Variants in PKD1L1 observed in about 807,000 individuals in gnomAD.
PKD1L1 encodes polycystin-1-like protein 1.
PKD1L1 carries 236 observed loss-of-function variants against 323.4 expected under a neutral mutation model. The observed-to-expected ratio is 0.73, with a 90% CI of 0.66 to 0.81. The LOEUF is 0.81. PKD1L1 is among the 40% of genes least tolerant of loss of function. PKD1L1 has a pLI of 0.00. For synonymous variants in PKD1L1, 1,344 were observed against 1,335.0 expected (o/e 1.01, Z -0.15); for missense variants, 3,320 against 3,508.0 (o/e 0.95, Z 1.35).
chr7:47,802,776 T>A (rs551444060), intron 53 of PKD1L1, among the ~76,000 whole-genome samples: 3 of 152,340 alleles, frequency 2.0e-5, no homozygotes, highest in African/African-American at 7.2e-5. Flanking sequence ...TAGCCCTGGA[T>A]GAAGACTTGG....
In PKD1L1 at chr7:47,788,577, A is replaced by ATT. The variant is rs34984408; in HGVS notation, c.8526+4048_8526+4049dup. On this transcript the variant is annotated intron_variant, in intron 56 of 56. Transcript: ENST00000289672. The stretch of plus-strand genomic sequence containing the variant: ...CCAGCCCAGTTATATATATATATAT[A>ATT]TTTTTTTTTTTTAATTTTAATTTTA... Among the ~76,000 whole-genome samples, 649 of 138,060 alleles carry ATT rather than the reference A, an allele frequency of 4.7e-3. 2 individuals carry two copies. The highest frequency in any genetic ancestry group is 0.012 in the Middle Eastern group (3 of 260). The allele number at this position is 138,060 out of a possible 152,430, so 90.6% of individuals were successfully genotyped here. A position where few individuals can be genotyped will look rare whatever the true frequency, so the allele number is the denominator to read the frequency against.
intron 7 of PKD1L1, among the ~76,000 whole-genome samples, chr7:47,917,819 C>T (rs1787460272): frequency 6.6e-6 from 1 of 152,088 alleles, no homozygotes; most frequent in African/African-American, 2.4e-5. Context: ...CTAAAAGGAG[C>T]TCCAAATCTT....
intron 56 of PKD1L1, among the ~76,000 whole-genome samples, chr7:47,787,229 T>G (rs186865243): frequency 1.3e-3 from 205 of 152,264 alleles, no homozygotes; most frequent in Non-Finnish European, 1.4e-3. Flanking sequence ...GCTAAACTCA[T>G]GTTGCAGAAA....
At chr7:47,833,889 G>A (rs1481926033) in intron 40 of PKD1L1, among the ~76,000 whole-genome samples, 4 of 152,200 alleles carry the variant, frequency 2.6e-5, no homozygotes, top group African/African-American at 9.6e-5. Context: ...TTGAGACCTG[G>A]AACGGAGCTC....
intron 49 of PKD1L1, among the ~76,000 whole-genome samples, chr7:47,812,524 A>G (rs1784922529): frequency 1.3e-5 from 2 of 152,322 alleles, no homozygotes; most frequent in African/African-American, 4.8e-5. Context: ...AAAGGCTCAC[A>G]TTATTGTAAC....
chr7:47,953,418 T>G (rs528809845), upstream of PKD1L1, among the ~76,000 whole-genome samples: 14 of 152,336 alleles, frequency 9.2e-5, no homozygotes, highest in African/African-American at 3.4e-4. Flanking sequence ...GAAGTATGAA[T>G]AGAATCCTCT....
chr7:47,843,742 T>C (rs1270906943), intron 33 of PKD1L1, among the ~76,000 whole-genome samples: 3 of 152,114 alleles, frequency 2.0e-5, no homozygotes, highest in Admixed American at 1.3e-4. Context: ...CACAGTTCCG[T>C]AGAATGACAT....
In PKD1L1 at chr7:47,922,084, C is replaced by T. The variant is rs765758072; in HGVS notation, c.1061-6485G>A. ...CGTGCTGCCACGCCTGACTGGTTTT[C>T]GTATTTTTTGGTGGAGACGGGGTTT... On this transcript the variant is annotated intron_variant, in intron 7 of 56. Transcript: ENST00000289672. Among the ~76,000 whole-genome samples the T allele has an allele frequency of 9.2e-5, 14 of 152,218 alleles. 1 individual carries two copies. Among genetic ancestry groups the T allele is most frequent in the Non-Finnish European group, 8.8e-5 (6 of 68,044 alleles).
rs772454610 is a variant in PKD1L1, at chr7:47,866,554, G to C, written c.3957C>G (p.Ile1319Met). 1 of 1,613,026 alleles carries C rather than the reference G, an allele frequency of 6.2e-7. No individual in the cohort carries two copies. The highest frequency in any genetic ancestry group is 8.5e-7 in the Non-Finnish European group (1 of 1,179,488). Reference protein sequence around the residue: ...TLQLMGSYTEIRNYITVITRI... With the variant: ...TLQLMGSYTEMRNYITVITRI... ...TGGTGATCACAGTGATGTAGTTCCT[G>C]ATTTCTGTGTAACTCCCCATCAGCT... Residue 1319 changes from isoleucine to methionine, a missense_variant, in exon 25 of 57, where the codon ATC (isoleucine) becomes ATG (methionine). Transcript: ENST00000289672.
chr7:47,782,085 A>G (rs766549179), intron 56 of PKD1L1, among the ~76,000 whole-genome samples: 1 of 152,060 alleles, frequency 6.6e-6, no homozygotes, highest in Non-Finnish European at 1.5e-5. Context: ...GTGGCTGCAT[A>G]GTATAGTATA....
At chr7:47,921,536 G>A (rs906889924) in intron 7 of PKD1L1, among the ~76,000 whole-genome samples, 5 of 152,068 alleles carry the variant, frequency 3.3e-5, no homozygotes, top group African/African-American at 9.7e-5. Flanking sequence ...ACTGGATATC[G>A]ATCCATTGGA....
At chr7:47,906,303 C>A (rs1787205491) in intron 9 of PKD1L1, among the ~76,000 whole-genome samples, 1 of 152,176 alleles carries the variant, frequency 6.6e-6, no homozygotes, top group African/African-American at 2.4e-5. Flanking sequence ...CTTCACTTCA[C>A]AGGAGTTCTT....
Position 47,876,144 on chromosome 7 carries a change from T to A in PKD1L1, c.3737A>T (p.Gln1246Leu). The change falls in exon 23 of 57, where the codon CAG becomes CTG. Residue 1246 changes from glutamine to leucine, a missense_variant. Transcript: ENST00000289672. ...ACCAGCTGGCAACACAAAATAATAC[T>A]GGGTGTCTCTCCCATGGTACAAAGT... ...KHTLYHGRDT[Q>L]YYFVLPAGEH... The A allele has an allele frequency of 6.2e-7, 1 of 1,614,150 alleles. No homozygotes were observed. The highest frequency in any genetic ancestry group is 8.5e-7 in the Non-Finnish European group (1 of 1,179,996).
At chr7:47,834,213 G>C in intron 40 of PKD1L1, 126 bp downstream of exon 40, 2 of 950,886 alleles carry the variant, frequency 2.1e-6, no homozygotes, top group South Asian at 3.0e-5. Context: ...ATCTTTTCCT[G>C]TGTCCGTCTC....
chr7:47,942,622 T>C (rs530561121), intron 2 of PKD1L1, among the ~76,000 whole-genome samples: 2 of 152,206 alleles, frequency 1.3e-5, no homozygotes, highest in Non-Finnish European at 2.9e-5. Flanking sequence ...TTTAGAATTT[T>C]CATTTTAAAA....
At chr7:47,955,243 T>C in the PKD1L1 span, among the ~76,000 whole-genome samples, 1 of 152,202 alleles carries the variant, frequency 6.6e-6, no homozygotes, top group South Asian at 2.1e-4. Flanking sequence ...AAATAAAAAG[T>C]TTAATTTTCT....
chr7:47,876,308 G>T, intron 22 of PKD1L1, 91 bp from the exon 23 acceptor site: 1 of 1,423,052 alleles, frequency 7.0e-7, no homozygotes, highest in South Asian at 1.3e-5. Context: ...AGCCTTCATT[G>T]TACCAAGGAC....
At chr7:47,871,745 C>A (rs551729851) in intron 24 of PKD1L1, among the ~76,000 whole-genome samples, 2 of 152,264 alleles carry the variant, frequency 1.3e-5, no homozygotes, top group African/African-American at 2.4e-5. Flanking sequence ...AATACACACA[C>A]AACAAACTAG....
At chr7:47,911,003 A>C (rs184693869) in intron 8 of PKD1L1, among the ~76,000 whole-genome samples, 2,358 of 152,248 alleles carry the variant, frequency 0.015, 57 homozygotes, top group African/African-American at 0.054. Context: ...CTTTAGACTT[A>C]ACCCCTGATA....
Sources: allele counts gnomAD v4.1 joint callset (sites outside exome capture counted in the v4.1 genomes callset), GRCh38; gene constraint gnomAD v4.1.1; transcripts MANE v1.5; gene names NCBI Gene and HGNC (gene_info 2026-07-23, HGNC 2026-07-21).